ALK: variants seen among roughly 807,000 people sequenced by gnomAD.
ALK encodes ALK receptor tyrosine kinase, also known as ALK tyrosine kinase receptor.
ALK carries 74 observed loss-of-function variants against 163.1 expected under a neutral mutation model. The ratio of observed to expected loss-of-function variants is 0.45; its 90% CI spans 0.38 to 0.55. The LOEUF is 0.55. ALK is among the 20% of genes least tolerant of loss of function. The pLI is 0.00. For missense variants in ALK, 2,063 were observed against 2,105.3 expected, an observed-to-expected ratio of 0.98 and a Z score of 0.39; for synonymous variants, 960 against 843.2, an observed-to-expected ratio of 1.14 and a Z score of -2.40.
intron 1 of ALK, among the ~76,000 whole-genome samples, chr2:29,735,075 A>G (rs2148320399): frequency 6.6e-6 from 1 of 152,298 alleles, no homozygotes; most frequent in Non-Finnish European, 1.5e-5. Context: ...CGTTTTGCAT[A>G]TGAAGAAATT....
chr2:29,607,884 A>G (rs1055659869), intron 3 of ALK, among the ~76,000 whole-genome samples: 4 of 151,592 alleles, frequency 2.6e-5, no homozygotes, highest in African/African-American at 9.7e-5. Context: ...TTTTTTTTCA[A>G]TCTCAGTAGA....
intron 1 of ALK, among the ~76,000 whole-genome samples, chr2:29,816,856 A>G (rs34828829): frequency 0.13 from 20,051 of 152,198 alleles, 1,589 homozygotes; most frequent in South Asian, 0.2. Context: ...TTGAAAGCTG[A>G]ATCAGATTTC....
rs140524511 is a variant in ALK at position 29,731,203 on chromosome 2, T to C, written c.668-13506A>G. Among the ~76,000 whole-genome samples the C allele has an allele frequency of 2.0e-4, 31 of 152,340 alleles. No individual in the cohort carries two copies. The East Asian group carries it at 5.0e-3, about 25-fold the overall frequency. ...AGAAAATAATTTCACAGGATGGTTA[T>C]TGAATGGCCAAAAAGTAATGATTAC... On this transcript the variant is annotated intron_variant, in intron 1 of 28. Transcript: ENST00000389048.
chr2:29,839,349 G>A (rs1156854574), intron 1 of ALK, among the ~76,000 whole-genome samples: 7 of 152,074 alleles, frequency 4.6e-5, no homozygotes, highest in Non-Finnish European at 1.0e-4. Context: ...CCGGATGACT[G>A]GCAGAGGGGA....
At chr2:29,849,882 T>C (rs1665945913) in intron 1 of ALK, among the ~76,000 whole-genome samples, 1 of 152,172 alleles carries the variant, frequency 6.6e-6, no homozygotes, top group Non-Finnish European at 1.5e-5. Flanking sequence ...TCCAATCTCG[T>C]GGTGCCAATT....
intron 2 of ALK, among the ~76,000 whole-genome samples, chr2:29,698,638 G>A (rs1371801412): frequency 6.6e-6 from 1 of 152,226 alleles, no homozygotes; most frequent in East Asian, 1.9e-4. Context: ...CAGACAGACA[G>A]TGCAATATAC....
chr2:29,301,978 T>C (rs1180021425), intron 8 of ALK, among the ~76,000 whole-genome samples: 1 of 152,244 alleles, frequency 6.6e-6, no homozygotes, highest in African/African-American at 2.4e-5. Flanking sequence ...TGCTGCATAC[T>C]CTGTTCTTGA....
At chr2:29,195,280 A>G (rs1244718404) in intron 28 of ALK, among the ~76,000 whole-genome samples, 2 of 152,236 alleles carry the variant, frequency 1.3e-5, no homozygotes, top group African/African-American at 4.8e-5. Flanking sequence ...TAATGTCATT[A>G]AACAGAGTTC....
intron 3 of ALK, among the ~76,000 whole-genome samples, chr2:29,632,105 TTTC>T (rs1323909322): frequency 1.3e-5 from 2 of 152,156 alleles, no homozygotes; most frequent in South Asian, 2.1e-4. Context: ...ATGTAGAAAG[TTTC>T]TTCTTCTCTC....
rs878854657 is a variant in ALK at position 29,193,855 on chromosome 2, A to T, written c.4232T>A (p.Val1411Glu). 1 of 1,613,740 alleles carries T rather than the reference A, an allele frequency of 6.2e-7. No homozygotes were observed. ...CTCAGGGTCCTTGGGCCTCACAGGC[A>T]CTTTCTCTTCCTCTTCCACAAGTGG... The part of the protein sequence containing the change: ...YGPLVEEEEK[V>E]PVRPKDPEGV... Residue 1411 changes from valine to glutamate, a missense_variant, in exon 29 of 29, where the codon GTG becomes GAG. Physicochemically the swap from Val to Glu is moderately radical, Grantham distance 121. This residue lies in a region of ALK where 403 missense variants were observed against 366.2 expected (regional missense o/e 1.10). Transcript: ENST00000389048.
intron 11 of ALK, 109 bp from the exon 12 acceptor site, chr2:29,251,376 T>C: frequency 8.7e-7 from 1 of 1,152,196 alleles, no homozygotes; most frequent in East Asian, 2.6e-5. Context: ...AAACCCTCCA[T>C]CCAAGATGGC....
chr2:29,228,118 G>A (rs551319639), intron 16 of ALK, among the ~76,000 whole-genome samples: 3 of 152,266 alleles, frequency 2.0e-5, no homozygotes, highest in Admixed American at 6.5e-5. Context: ...TGAGGCTCCC[G>A]TCCCTCCTTT....
intron 3 of ALK, among the ~76,000 whole-genome samples, chr2:29,570,059 C>T (rs570054069): frequency 4.6e-5 from 7 of 152,316 alleles, no homozygotes; most frequent in South Asian, 4.1e-4. Flanking sequence ...AAACAACTAG[C>T]AAAGTCTCCT....
intron 1 of ALK, among the ~76,000 whole-genome samples, chr2:29,739,557 CAAAAA>C (rs111281224): frequency 1.4e-5 from 1 of 71,856 alleles, no homozygotes. Context: ...GAATCTGTCT[CAAAAA>C]AAAAAAAAAA....
chr2:29,566,943 AT>A (rs766375336), intron 3 of ALK, among the ~76,000 whole-genome samples: 1 of 152,260 alleles, frequency 6.6e-6, no homozygotes, highest in Non-Finnish European at 1.5e-5. Flanking sequence ...AAGAATAAGC[AT>A]CAAAACATTA....
At chr2:29,767,932 A>T (rs567704960) in intron 1 of ALK, among the ~76,000 whole-genome samples, 22 of 152,360 alleles carry the variant, frequency 1.4e-4, no homozygotes, top group Admixed American at 4.6e-4. Flanking sequence ...AGTCGTGATG[A>T]TTACTCATTA....
At chr2:29,790,256 AG>A (rs1312901153) in intron 1 of ALK, among the ~76,000 whole-genome samples, 3 of 152,088 alleles carry the variant, frequency 2.0e-5, no homozygotes, top group Non-Finnish European at 2.9e-5. Context: ...GTCAGGATGG[AG>A]GGTGGCGGAG....
chr2:29,494,651 C>T (rs1671981888), intron 4 of ALK, among the ~76,000 whole-genome samples: 1 of 152,240 alleles, frequency 6.6e-6, no homozygotes, highest in Non-Finnish European at 1.5e-5. Context: ...GTGAGTTGTG[C>T]TAGCTGCTCC....
At chr2:29,602,969 A>G (rs1196324483) in intron 3 of ALK, among the ~76,000 whole-genome samples, 1 of 152,232 alleles carries the variant, frequency 6.6e-6, no homozygotes, top group Non-Finnish European at 1.5e-5. Flanking sequence ...CGTAAGATAT[A>G]CATTGATTCT....
Sources: gnomAD v4.1 joint callset for allele counts (sites outside exome capture counted in the v4.1 genomes callset) on GRCh38, gnomAD v4.1.1 for gene constraint, gnomAD v4.1.1 regional missense constraint, MANE v1.5 for transcripts, NCBI Gene and HGNC (gene_info 2026-07-23, HGNC 2026-07-21) for gene names.